Variants in UQCRQ observed in about 807,000 individuals in gnomAD.
UQCRQ encodes ubiquinol-cytochrome c reductase complex III subunit VII, also known as cytochrome b-c1 complex subunit 8.
In UQCRQ, 9 loss-of-function variants were observed where a neutral mutation model predicts 7.9. The ratio of observed to expected loss-of-function variants is 1.13; its 90% CI spans 0.68 to 1.98. The LOEUF (loss-of-function observed/expected upper bound fraction) is 1.98, where lower values mean the gene tolerates loss of function less well. Among genes scored for constraint, UQCRQ ranks in the 30% most tolerant of loss-of-function variants. The pLI is 0.00. For missense variants in UQCRQ, 112 were observed against 109.7 expected, an observed-to-expected ratio of 1.02 and a Z score of -0.10; for synonymous variants, 50 against 41.9, an observed-to-expected ratio of 1.19 and a Z score of -0.75.
intron 2 of UQCRQ, chr5:132,867,265 T>C: frequency 1.4e-6 from 1 of 716,062 alleles, no homozygotes; most frequent in Admixed American, 2.8e-5. Flanking sequence ...GTCACTCGGG[T>C]GATTCCAGCA....
In UQCRQ at chr5:132,868,530, G is replaced by C. The variant is rs2150054733; in HGVS notation, c.*948G>C. Among the ~76,000 whole-genome samples the C allele has an allele frequency of 6.6e-6, 1 of 152,212 alleles. No individual in the cohort carries two copies. The highest frequency in any genetic ancestry group is 2.1e-4 in the South Asian group (1 of 4,810). ...ACGCTAACATTACAATAGCTGATAA[G>C]CTTTAAAAAATGGCAAAAAAAACCC... On this transcript the variant is annotated 3_prime_UTR_variant, in exon 3 of 3. Transcript: ENST00000378670.
Position 132,867,476 on chromosome 5 carries a change from T to C in UQCRQ, c.155-12T>C. ...TATGTGTGCTCTCTGTTTACTCTCT[T>C]AATTTTTAAAGAGTTTGTAGTGTTT... On this transcript the variant is annotated splice_polypyrimidine_tract_variant and intron_variant, in intron 2 of 2. Coordinates refer to ENST00000378670, the MANE Select transcript of UQCRQ (RefSeq NM_014402.5). 6.2e-7 allele frequency: 1 copy of C among 1,608,980 alleles called. No individual in the cohort carries two copies. The highest frequency in any genetic ancestry group is 8.5e-7 in the Non-Finnish European group (1 of 1,175,400).
rs571157525 is a variant in UQCRQ, at chr5:132,867,566, A to G, written c.233A>G (p.Tyr78Cys). ...TCCAAGAGGAAGAATCCAGCTGCCT[A>G]TGAAAATGACAAATGAGCAACGCAT... ...ERSKRKNPAA[Y>C]ENDK Residue 78 changes from tyrosine to cysteine, a missense_variant, in exon 3 of 3, where the codon TAT becomes TGT. Transcript: ENST00000378670. 4.3e-6 allele frequency: 7 copies of G among 1,614,184 alleles called. No individual in the cohort carries two copies. The South Asian group carries it at 4.4e-5, about 10-fold the overall frequency.
rs1759637419 is a variant in UQCRQ, at chr5:132,866,862, C to T, written c.-13-7C>T. The T allele has an allele frequency of 1.2e-6, 2 of 1,612,418 alleles. No individual in the cohort carries two copies. The highest frequency in any genetic ancestry group is 1.3e-5 in the African/African-American group (1 of 74,950). ...AGCCAAGCGCCTGTCCACCCTCGGT[C>T]CTGCAGGGCCGCCGCCACAATGGGC... On this transcript the variant is annotated splice_polypyrimidine_tract_variant and splice_region_variant and intron_variant, in intron 1 of 2. Coordinates refer to ENST00000378670, the MANE Select transcript of UQCRQ (RefSeq NM_014402.5).
In UQCRQ at chr5:132,867,017, T is replaced by G; in HGVS notation, c.136T>G (p.Phe46Val). Residue 46 changes from phenylalanine to valine, a missense_variant, in exon 2 of 3, where the codon TTC becomes GTC. By Grantham distance (50) the Phe-to-Val change is conservative (BLOSUM62 -1). Transcript: ENST00000378670. ...TGTTCTGCGCCGCATTCGGGAGTCT[T>G]TCTTTCGCGTGGTGCCGCGTGAGTG... The part of the protein sequence containing the change: ...PNVLRRIRES[F>V]FRVVPQFVVF... 1.2e-6 allele frequency: 2 copies of G among 1,613,896 alleles called. No individual in the cohort carries two copies. The highest frequency in any genetic ancestry group is 1.7e-6 in the Non-Finnish European group (2 of 1,179,900).
chr5:132,866,705 G>C lies in UQCRQ; in HGVS notation c.-14+18G>C. 1 of 738,918 alleles carries C rather than the reference G, an allele frequency of 1.4e-6. No homozygotes were observed. The highest frequency in any genetic ancestry group is 2.2e-6 in the Non-Finnish European group (1 of 452,886). 45.8% of individuals were successfully genotyped at this position (738,918 alleles called of 1,614,324 possible). ...TGAGCCCTGTGCGTGAGTGGGGTCT[G>C]GTTGTGCAGTGTTCGTGGACCCTGG... On this transcript the variant is annotated intron_variant, in intron 1 of 2. Transcript: ENST00000378670.
rs138646168 is a variant in UQCRQ at position 132,866,935 on chromosome 5, C to G, written c.54C>G (p.Ser18Arg). 15 of 1,614,000 alleles carry G rather than the reference C, an allele frequency of 9.3e-6. No individual in the cohort carries two copies. The African/African-American group carries it at 1.9e-4, about 20-fold the overall frequency. The change falls in exon 2 of 3, where the codon AGC becomes AGG. Residue 18 changes from serine to arginine, a missense_variant. Ser to Arg is a moderately radical substitution (Grantham distance 110, BLOSUM62 -1). Coordinates refer to ENST00000378670, the MANE Select transcript of UQCRQ (RefSeq NM_014402.5). Reference protein sequence around the residue: ...LTRMRHVISYSLSPFEQRAYP... With the variant: ...LTRMRHVISYRLSPFEQRAYP... ...GGATGCGGCATGTGATCAGCTACAG[C>G]TTGTCACCGTTCGAGCAGCGCGCCT...
chr5:132,866,863 C>T lies in UQCRQ; in HGVS notation c.-13-6C>T. On this transcript the variant is annotated splice_polypyrimidine_tract_variant and splice_region_variant and intron_variant, in intron 1 of 2. Coordinates refer to ENST00000378670, the MANE Select transcript of UQCRQ (RefSeq NM_014402.5). The stretch of plus-strand genomic sequence containing the variant: ...GCCAAGCGCCTGTCCACCCTCGGTC[C>T]TGCAGGGCCGCCGCCACAATGGGCC... 6.2e-7 allele frequency: 1 copy of T among 1,612,614 alleles called. No homozygotes were observed.
Position 132,867,757 on chromosome 5 carries a change from C to T in UQCRQ, c.*175C>T. ...CTAATATTCAAGTTCATGAAGCGCC[C>T]CTCCTCAGCATGAGTCTTGAAGTTT... On this transcript the variant is annotated 3_prime_UTR_variant, in exon 3 of 3. Coordinates refer to ENST00000378670, the MANE Select transcript of UQCRQ (RefSeq NM_014402.5). 1.6e-6 allele frequency: 1 copy of T among 640,426 alleles called. No individual in the cohort carries two copies. Among genetic ancestry groups the T allele is most frequent in the East Asian group, 2.9e-5 (1 of 34,756 alleles). The allele number at this position is 640,426 out of a possible 1,614,324, so 39.7% of individuals were successfully genotyped here.
In UQCRQ at chr5:132,866,997, T is replaced by G. The variant is rs562265918; in HGVS notation, c.116T>G (p.Leu39Arg). 6 of 1,614,050 alleles carry G rather than the reference T, an allele frequency of 3.7e-6. No homozygotes were observed. In the Admixed American group the frequency reaches 1.0e-4, roughly 27 times the overall value. ...HVFTKGIPNV[L>R]RRIRESFFRV... is the part of the protein sequence containing the mutation. ...TTCACTAAAGGAATCCCCAATGTTC[T>G]GCGCCGCATTCGGGAGTCTTTCTTT... Residue 39 changes from leucine to arginine, a missense_variant, in exon 2 of 3, where the codon CTG becomes CGG. Leu to Arg is a moderately radical substitution (Grantham distance 102). Transcript: ENST00000378670.
Position 132,867,738 on chromosome 5 carries a change from T to C in UQCRQ, c.*156T>C, listed in dbSNP as rs1759675791. On this transcript the variant is annotated 3_prime_UTR_variant, in exon 3 of 3. Transcript: ENST00000378670. ...GTAGAATCCTGTGTGACCACTAATA[T>C]TCAAGTTCATGAAGCGCCCCTCCTC... 12 of 694,316 alleles carry C rather than the reference T, an allele frequency of 1.7e-5. No individual in the cohort carries two copies. The highest frequency in any genetic ancestry group is 2.8e-5 in the East Asian group (1 of 36,052). The allele number at this position is 694,316 out of a possible 1,614,324, so 43.0% of individuals were successfully genotyped here.
At position 132,867,023 on chromosome 5, in the gene UQCRQ, C is replaced by G. The variant is rs765042690; in HGVS notation, c.142C>G (p.Arg48Gly). The change falls in exon 2 of 3, where the codon CGC becomes GGC. Residue 48 changes from arginine to glycine, a missense_variant. By Grantham distance (125) the Arg-to-Gly change is moderately radical. Coordinates refer to ENST00000378670, the MANE Select transcript of UQCRQ (RefSeq NM_014402.5). ...GCGCCGCATTCGGGAGTCTTTCTTT[C>G]GCGTGGTGCCGCGTGAGTGCCTTGG... ...VLRRIRESFF[R>G]VVPQFVVFYL... is the part of the protein sequence containing the mutation. The G allele has an allele frequency of 1.2e-6, 2 of 1,613,846 alleles. No individual in the cohort carries two copies. Among genetic ancestry groups the G allele is most frequent in the Non-Finnish European group, 1.7e-6 (2 of 1,179,922 alleles).
Position 132,867,648 on chromosome 5 carries a change from G to T in UQCRQ, c.*66G>T, listed in dbSNP as rs1759673166. On this transcript the variant is annotated 3_prime_UTR_variant, in exon 3 of 3. Transcript: ENST00000378670. ...TTTCTCTGGAAGAGGAGTCTGCATT[G>T]TAGTGTCTCAAAGACACAATAAACT... The T allele has an allele frequency of 1.5e-6, 2 of 1,323,852 alleles. No homozygotes were observed. The highest frequency in any genetic ancestry group is 1.1e-6 in the Non-Finnish European group (1 of 924,350). 82.0% of individuals were successfully genotyped at this position (1,323,852 alleles called of 1,614,324 possible).
rs1274806027 is a variant in UQCRQ, at chr5:132,867,853, C to T, written c.*271C>T. 7 of 478,566 alleles carry T rather than the reference C, an allele frequency of 1.5e-5. No individual in the cohort carries two copies. The East Asian group carries it at 1.6e-4, about 11-fold the overall frequency. 29.6% of individuals were successfully genotyped at this position (478,566 alleles called of 1,614,324 possible). On this transcript the variant is annotated 3_prime_UTR_variant, in exon 3 of 3. Coordinates refer to ENST00000378670, the MANE Select transcript of UQCRQ (RefSeq NM_014402.5). ...TCCATTATCTACAAGAAAGTAGCTG[C>T]AGGTACTCCTGCATCTAACCATTTG... is the stretch of plus-strand genomic sequence containing the variant.
chr5:132,866,834 G>A (rs778230277), intron 1 of UQCRQ, 35 bp from the exon 2 acceptor site: 2 of 1,607,604 alleles, frequency 1.2e-6, no homozygotes, highest in East Asian at 2.2e-5. Flanking sequence ...CTTCGCGAAA[G>A]CGAGCCAAGC....
chr5:132,867,697 T>C lies in UQCRQ; in HGVS notation c.*115T>C, dbSNP rs1020800425. 1.2e-6 allele frequency: 1 copy of C among 855,726 alleles called. No homozygotes were observed. The highest frequency in any genetic ancestry group is 1.4e-5 in the South Asian group (1 of 70,232). The allele number at this position is 855,726 out of a possible 1,614,324, so 53.0% of individuals were successfully genotyped here. ...CTTCCTATGGTCTGCACTGTTGTGA[T>C]ATTACATTTTTGTGAGTAGAATCCT... is the stretch of plus-strand genomic sequence containing the variant. On this transcript the variant is annotated 3_prime_UTR_variant, in exon 3 of 3. Transcript: ENST00000378670.
intron 2 of UQCRQ, 122 bp from the exon 3 acceptor site, chr5:132,867,366 C>G (rs1759659801): frequency 1.2e-6 from 1 of 812,220 alleles, no homozygotes; most frequent in South Asian, 1.5e-5. Flanking sequence ...AGTTGCATGG[C>G]CTTGGATATG....
In UQCRQ at chr5:132,867,622, C is replaced by T. The variant is rs374661391; in HGVS notation, c.*40C>T. Reference sequence around the variant, plus strand: ...TGACGGTTCCCTGTCTCTGAAAGACCTTTCTCTGGAAGAGGAGTCTGCATT... The same window carrying T: ...TGACGGTTCCCTGTCTCTGAAAGACTTTTCTCTGGAAGAGGAGTCTGCATT... On this transcript the variant is annotated 3_prime_UTR_variant, in exon 3 of 3. Transcript: ENST00000378670. The T allele has an allele frequency of 6.5e-7, 1 of 1,542,682 alleles. No homozygotes were observed. The highest frequency in any genetic ancestry group is 2.3e-5 in the East Asian group (1 of 44,354).
Position 132,866,849 on chromosome 5 carries a change from G to A in UQCRQ, c.-13-20G>A, listed in dbSNP as rs774503332. ...CTTCGCGAAAGCGAGCCAAGCGCCT[G>A]TCCACCCTCGGTCCTGCAGGGCCGC... On this transcript the variant is annotated intron_variant, in intron 1 of 2. Coordinates refer to ENST00000378670, the MANE Select transcript of UQCRQ (RefSeq NM_014402.5). 1.8e-5 allele frequency: 29 copies of A among 1,610,806 alleles called. No individual in the cohort carries two copies. The Admixed American group carries it at 4.2e-4, about 23-fold the overall frequency.
Sources: allele counts gnomAD v4.1 joint callset (sites outside exome capture counted in the v4.1 genomes callset), GRCh38; gene constraint gnomAD v4.1.1; transcripts MANE v1.5; gene names NCBI Gene and HGNC (gene_info 2026-07-23, HGNC 2026-07-21).